The following GPR108 variants were observed in gnomAD, a reference collection of about 807,000 sequenced individuals.
The protein encoded by GPR108 is G protein-coupled receptor 108, also known as protein GPR108.
GPR108 carries 60 observed loss-of-function variants against 74.3 expected under a neutral mutation model. The ratio of observed to expected loss-of-function variants is 0.81; its 90% confidence interval spans 0.66 to 1.00. The LOEUF is 1.00. GPR108 is among the 50% of genes least tolerant of loss of function. GPR108 has a pLI of 0.00. For synonymous variants in GPR108, 311 were observed against 292.4 expected, an observed-to-expected ratio of 1.06 and a Z score of -0.65; for missense variants, 667 against 703.3, an observed-to-expected ratio of 0.95 and a Z score of 0.58.
rs1968339341 is a variant in GPR108, at chr19:6,730,375, G to A, written c.1569C>T (p.Asp523=). The change falls in exon 18 of 18, where the codon GAC becomes GAT. Residue 523 remains aspartate, a synonymous_variant. Coordinates refer to ENST00000264080, the MANE Select transcript of GPR108 (RefSeq NM_001080452.2). ...EDVQMEQVMT[D]SGFREGLSKV... is the part of the protein sequence containing the mutation. ...TGGAGAGGCCTTCCCGGAACCCAGAGTCCGTCATTCTGGGGGCAGACAGCG... is the reference window on the plus strand; with the variant it reads ...TGGAGAGGCCTTCCCGGAACCCAGAATCCGTCATTCTGGGGGCAGACAGCG... The A allele has an allele frequency of 6.2e-7, 1 of 1,613,044 alleles. No homozygotes were observed.
intron 2 of GPR108, 31 bp downstream of exon 2, chr19:6,736,561 C>T: frequency 1.2e-6 from 2 of 1,602,554 alleles, no homozygotes; most frequent in Non-Finnish European, 1.7e-6. Flanking sequence ...GCACCGTGCT[C>T]TCCTCCAGCA....
Position 6,735,701 on chromosome 19 carries a change from G to T in GPR108, c.295C>A (p.Arg99=). ...TGGAGAGGGCAGTCCTGGAAATCCCGGGTCTGGGGGGTGGGCAGGAGGGAG... is the reference window on the plus strand; with the variant it reads ...TGGAGAGGGCAGTCCTGGAAATCCCTGGTCTGGGGGGTGGGCAGGAGGGAG... ...RSGRVRSYST[R]DFQDCPLQKN... Residue 99 remains arginine (R), a synonymous_variant, in exon 4 of 18, where the codon CGG becomes AGG. Transcript: ENST00000264080. The T allele has an allele frequency of 1.2e-5, 19 of 1,613,912 alleles. No homozygotes were observed. The highest frequency in any genetic ancestry group is 1.6e-5 in the Non-Finnish European group (19 of 1,179,880).
At position 6,736,642 on chromosome 19, in the gene GPR108, A is replaced by G. The variant is rs1968644666; in HGVS notation, c.190T>C (p.Leu64=). 4 of 1,613,596 alleles carry G rather than the reference A, an allele frequency of 2.5e-6. No individual in the cohort carries two copies. The South Asian group carries it at 3.3e-5, about 13-fold the overall frequency. The change falls in exon 2 of 18, where the codon TTG becomes CTG. Residue 64 remains leucine, a synonymous_variant. Coordinates refer to ENST00000264080, the MANE Select transcript of GPR108 (RefSeq NM_001080452.2). The stretch of plus-strand genomic sequence containing the variant: ...CGGAGGCCCAGCCGCAGGACGCTCA[A>G]CTCCACCTCCAGAGAGCCATTGGTG... ...FYTNGSLEVE[L]SVLRLGLREA...
In GPR108 at chr19:6,730,364, C is replaced by G. The variant is rs767711279; in HGVS notation, c.1580G>C (p.Arg527Pro). The G allele has an allele frequency of 1.2e-6, 2 of 1,613,272 alleles. No homozygotes were observed. The highest frequency in any genetic ancestry group is 1.7e-6 in the Non-Finnish European group (2 of 1,179,872). ...TTTGTTGACTTTGGAGAGGCCTTCCCGGAACCCAGAGTCCGTCATTCTGGG... is the reference window on the plus strand; with the variant it reads ...TTTGTTGACTTTGGAGAGGCCTTCCGGGAACCCAGAGTCCGTCATTCTGGG... ...MEQVMTDSGF[R>P]EGLSKVNKTA... is the part of the protein sequence containing the mutation. The change falls in exon 18 of 18, where the codon CGG (arginine) becomes CCG (proline). Residue 527 changes from arginine (R) to proline (P), a missense_variant. Physicochemically the swap from Arg to Pro is moderately radical, Grantham distance 103. Transcript: ENST00000264080.
chr19:6,730,179 G>A lies in GPR108; in HGVS notation c.*133C>T. On this transcript the variant is annotated 3_prime_UTR_variant, in exon 18 of 18. Transcript: ENST00000264080. ...TCTTCTTCCAAATGGGCTTGTCCGGGAACCGGGGTCCCGGGGAGCTGGGCG... is the reference window on the plus strand; with the variant it reads ...TCTTCTTCCAAATGGGCTTGTCCGGAAACCGGGGTCCCGGGGAGCTGGGCG... 1 of 824,680 alleles carries A rather than the reference G, an allele frequency of 1.2e-6. No individual in the cohort carries two copies. The highest frequency in any genetic ancestry group is 2.0e-6 in the Non-Finnish European group (1 of 488,832). The allele number at this position is 824,680 out of a possible 1,614,324, so 51.1% of individuals were successfully genotyped here.
intron 1 of GPR108, 31 bp from the exon 2 acceptor site, chr19:6,736,742 C>G: frequency 6.2e-7 from 1 of 1,613,512 alleles, no homozygotes; most frequent in Non-Finnish European, 8.5e-7. Context: ...AGAGGCAGTT[C>G]AGACCTCTTT....
chr19:6,733,967 G>A (rs776957590), intron 6 of GPR108, 38 bp downstream of exon 6: 2 of 1,614,002 alleles, frequency 1.2e-6, no homozygotes, highest in Admixed American at 3.3e-5. Context: ...CAGGGCCCTG[G>A]GGTGTGCATC....
chr19:6,734,367 C>T, intron 4 of GPR108, 60 bp from the exon 5 acceptor site: 1 of 1,564,712 alleles, frequency 6.4e-7, no homozygotes. Context: ...CAGGCACCGG[C>T]AAAGGACTCA....
At chr19:6,736,925 G>T in intron 1 of GPR108, 1 of 617,470 alleles carries the variant, frequency 1.6e-6, no homozygotes, top group Non-Finnish European at 2.7e-6. Context: ...CCCAGGAACA[G>T]AGATCCTGCG....
intron 1 of GPR108, 118 bp from the exon 2 acceptor site, chr19:6,736,829 C>T: frequency 7.2e-7 from 1 of 1,397,558 alleles, no homozygotes; most frequent in South Asian, 1.3e-5. Context: ...TAGGACAGGC[C>T]CAGAGGATGA....
At chr19:6,730,757 A>C (rs1599537585) in intron 17 of GPR108, among the ~76,000 whole-genome samples, 13 of 31,846 alleles carry the variant, frequency 4.1e-4, no homozygotes, top group East Asian at 9.5e-4. Flanking sequence ...CCCTAACCCC[A>C]CCCCTAGCTC....
chr19:6,733,173 C>T lies in GPR108; in HGVS notation c.852G>A (p.Arg284=), dbSNP rs772406394. 1.2e-6 allele frequency: 2 copies of T among 1,613,886 alleles called. No homozygotes were observed. The highest frequency in any genetic ancestry group is 1.1e-5 in the South Asian group (1 of 91,088). The change falls in exon 9 of 18, where the codon AGG becomes AGA. Residue 284 remains arginine, a synonymous_variant. Coordinates refer to ENST00000264080, the MANE Select transcript of GPR108 (RefSeq NM_001080452.2). The part of the protein sequence containing the change: ...AGIFWVSILC[R]NTYSVFKIHW... ...CTCAGGGGCAGGGGCATTACGTGTT[C>T]CTGCAGAGGATGGACACCCAGAAGA...
In GPR108 at chr19:6,731,107, A is replaced by G. The variant is rs1362068305; in HGVS notation, c.1439T>C (p.Leu480Ser). The G allele has an allele frequency of 6.2e-7, 1 of 1,612,914 alleles. No individual in the cohort carries two copies. Among genetic ancestry groups the G allele is most frequent in the Admixed American group, 1.7e-5 (1 of 60,002 alleles). Reference sequence around the variant, plus strand: ...GAAGGCCAGGGTGGAGCCCTCCACCAAGAGCTGGGGGACGGGGCGGAGTGG... The same window carrying G: ...GAAGGCCAGGGTGGAGCCCTCCACCGAGAGCTGGGGGACGGGGCGGAGTGG... ...PFQWQWLYQL[L>S]VEGSTLAFFV... is the part of the protein sequence containing the mutation. The change falls in exon 17 of 18, where the codon TTG (leucine) becomes TCG (serine). Residue 480 changes from leucine (L) to serine (S), a missense_variant. By Grantham distance (145) the Leu-to-Ser change is moderately radical (BLOSUM62 -2). Coordinates refer to ENST00000264080, the MANE Select transcript of GPR108 (RefSeq NM_001080452.2).
rs752085629 is a variant in GPR108, at chr19:6,737,517, C to G, written c.60G>C (p.Arg20=). ...GRGSPAEWGQ[R]LLLVLLLGGC... ...CACCCAGCAGCAGCACCAGAAGTAG[C>G]CGCTGCCCCCACTCCGCGGGGCTCC... Residue 20 remains arginine (R), a synonymous_variant, in exon 1 of 18, where the codon CGG becomes CGC. Transcript: ENST00000264080. The G allele has an allele frequency of 6.3e-7, 1 of 1,575,948 alleles. No individual in the cohort carries two copies. Among genetic ancestry groups the G allele is most frequent in the Non-Finnish European group, 8.6e-7 (1 of 1,168,744 alleles).
At chr19:6,733,774 GC>G in intron 7 of GPR108, 70 bp downstream of exon 7, 1 of 1,585,342 alleles carries the variant, frequency 6.3e-7, no homozygotes, top group Non-Finnish European at 8.7e-7. Context: ...TGGTAGGGCT[GC>G]AGGAGGGCTC....
intron 11 of GPR108, 34 bp downstream of exon 11, chr19:6,732,442 C>G: frequency 6.2e-7 from 1 of 1,612,116 alleles, no homozygotes; most frequent in Non-Finnish European, 8.5e-7. Context: ...TGCCTGCCTC[C>G]CCCCAGCTGC....
chr19:6,732,109 C>A lies in GPR108; in HGVS notation c.1172G>T (p.Gly391Val). The A allele has an allele frequency of 6.2e-7, 1 of 1,613,928 alleles. No individual in the cohort carries two copies. Among genetic ancestry groups the A allele is most frequent in the Non-Finnish European group, 8.5e-7 (1 of 1,180,014 alleles). ...CTTCCACAGCACGTAGTCGCTGGCG[C>A]CTTCCTCGCGGGACTCGATGATGAT... ...AYIIIESREEGASDYVLWKEI... is the reference protein window; with the variant it reads ...AYIIIESREEVASDYVLWKEI... Residue 391 changes from glycine (G) to valine (V), a missense_variant, in exon 13 of 18, where the codon GGC (glycine) becomes GTC (valine). Transcript: ENST00000264080.
chr19:6,735,862 C>G lies in GPR108; in HGVS notation c.291+46G>C, dbSNP rs1260260821. On this transcript the variant is annotated intron_variant, in intron 3 of 17. Transcript: ENST00000264080. ...CAGATGCAGAGGACAGACCCTACCC[C>G]CTCCCTCCAGCCCCTTCTCCCGTCT... 11 of 1,590,054 alleles carry G rather than the reference C, an allele frequency of 6.9e-6. No individual in the cohort carries two copies. The Admixed American group carries it at 1.7e-4, about 25-fold the overall frequency.
rs1165987424 is a variant in GPR108, at chr19:6,731,178, CCACCTGGGCCTCGGGCT to C, written c.1434+4_1434+20del. On this transcript the variant is annotated splice_donor_5th_base_variant and intron_variant, in intron 16 of 17. Coordinates refer to ENST00000264080, the MANE Select transcript of GPR108 (RefSeq NM_001080452.2). The stretch of plus-strand genomic sequence containing the variant: ...CCCCCACCGTGGCCGCCCTCCCGTC[CCACCTGGGCCTCGGGCT>C]CACCTGGTACAGCCACTGCCACTGA... 1.9e-6 allele frequency: 3 copies of C among 1,603,600 alleles called. No individual in the cohort carries two copies. Among genetic ancestry groups the C allele is most frequent in the Admixed American group, 3.4e-5 (2 of 59,526 alleles).
Sources: gnomAD v4.1 joint callset for allele counts (sites outside exome capture counted in the v4.1 genomes callset) on GRCh38, gnomAD v4.1.1 for gene constraint, MANE v1.5 for transcripts, NCBI Gene and HGNC (gene_info 2026-07-23, HGNC 2026-07-21) for gene names.